Variants in STK24 observed in about 807,000 individuals in gnomAD.
STK24 encodes the protein serine/threonine kinase 24, also known as serine/threonine-protein kinase 24.
STK24 carries 21 observed loss-of-function variants against 55.6 expected under a neutral mutation model. The observed-to-expected ratio is 0.38, with a 90% CI of 0.27 to 0.54. The LOEUF (loss-of-function observed/expected upper bound fraction) is 0.54, where lower values mean the gene tolerates loss of function less well. Ranked by LOEUF, STK24 falls within the 20% of genes least tolerant of loss-of-function variation. STK24 has a pLI of 0.79. For missense variants in STK24, 383 were observed against 538.4 expected, an observed-to-expected ratio of 0.71 and a Z score of 2.86; for synonymous variants, 200 against 215.2, an observed-to-expected ratio of 0.93 and a Z score of 0.62.
At chr13:98,474,540 C>A (rs111272216) in intron 5 of STK24, among the ~76,000 whole-genome samples, 1 of 152,150 alleles carries the variant, frequency 6.6e-6, no homozygotes. Flanking sequence ...CCTCCCACCC[C>A]CCTCCAAACC....
At chr13:98,559,912 G>T (rs1897376433) in intron 1 of STK24, among the ~76,000 whole-genome samples, 1 of 151,616 alleles carries the variant, frequency 6.6e-6, no homozygotes, top group Non-Finnish European at 1.5e-5. Flanking sequence ...GCCACTCGAG[G>T]CTGAGGCAGG....
At chr13:98,509,100 T>C (rs1393121828) in intron 2 of STK24, 1 of 152,034 alleles carries the variant, frequency 6.6e-6, no homozygotes, top group African/African-American at 2.4e-5. Flanking sequence ...GACTAGAAAA[T>C]TGAAAGGGAA....
intron 2 of STK24, among the ~76,000 whole-genome samples, chr13:98,518,595 G>C (rs1005106661): frequency 2.0e-5 from 3 of 152,204 alleles, no homozygotes; most frequent in African/African-American, 7.2e-5. Flanking sequence ...TCTTAGTGTT[G>C]TAACAGGATT....
chr13:98,482,992 G>A (rs1034252165), intron 2 of STK24, among the ~76,000 whole-genome samples: 1 of 152,218 alleles, frequency 6.6e-6, no homozygotes, highest in Non-Finnish European at 1.5e-5. Context: ...ACAGTCCCCA[G>A]CTCTGCGCCT....
At chr13:98,522,397 T>C (rs17574550) in intron 1 of STK24, among the ~76,000 whole-genome samples, 26,585 of 152,142 alleles carry the variant, frequency 0.17, 2,707 homozygotes, top group Non-Finnish European at 0.23. Context: ...TGCAGAAATA[T>C]ATGGGAGTTC....
chr13:98,454,116 A>G (rs191640855), intron 10 of STK24: 3 of 152,356 alleles, frequency 2.0e-5, no homozygotes, highest in African/African-American at 7.2e-5. Flanking sequence ...GTACTATAGA[A>G]ATTCTAAAAA....
At chr13:98,547,842 C>T (rs1897064545) in intron 1 of STK24, among the ~76,000 whole-genome samples, 1 of 152,220 alleles carries the variant, frequency 6.6e-6, no homozygotes, top group Admixed American at 6.5e-5. Context: ...TCCTATACTT[C>T]AATATCACAG....
chr13:98,507,297 A>G (rs1158175770), intron 2 of STK24, among the ~76,000 whole-genome samples: 1 of 152,246 alleles, frequency 6.6e-6, no homozygotes, highest in African/African-American at 2.4e-5. Flanking sequence ...AGGAATGAGG[A>G]AACTCTGGCC....
At chr13:98,539,989 GACA>G (rs748493741) in intron 1 of STK24, among the ~76,000 whole-genome samples, 54 of 152,280 alleles carry the variant, frequency 3.5e-4, no homozygotes, top group Non-Finnish European at 6.2e-4. Context: ...AGAGTAAACA[GACA>G]ACAAACAGGT....
rs1339003810 is a variant in STK24 at position 98,475,347 on chromosome 13, G to A, written c.342C>T (p.Gly114=). 7 of 1,605,090 alleles carry A rather than the reference G, an allele frequency of 4.4e-6. No individual in the cohort carries two copies. The highest frequency in any genetic ancestry group is 4.0e-5 in the African/African-American group (3 of 74,440). ...TAGCGATCTGGGTTTCATCTAATGG[G>A]CCAGGTTCTAACTAAGAAGAGAAAA... ...GGSALDLLEP[G]PLDETQIATI... The change falls in exon 4 of 11, where the codon GGC becomes GGT. Residue 114 remains glycine (G), a synonymous_variant. Transcript: ENST00000539966.
At position 98,448,073 on chromosome 13, in the gene STK24, C is replaced by T. The variant is rs532665889; in HGVS notation, c.*5100G>A. On this transcript the variant is annotated 3_prime_UTR_variant, in exon 11 of 11. Transcript: ENST00000539966. ...AGGCCAGTGGGTCTCCACTGTACCT[C>T]AGGAACGCCTGGGTGCTGGCTGTTC... 1.5e-6 allele frequency: 1 copy of T among 654,930 alleles called. No individual in the cohort carries two copies. Among genetic ancestry groups the T allele is most frequent in the East Asian group, 2.7e-5 (1 of 36,616 alleles). 40.6% of individuals were successfully genotyped at this position (654,930 alleles called of 1,614,324 possible).
At chr13:98,542,960 G>C in intron 1 of STK24, 2 of 985,402 alleles carry the variant, frequency 2.0e-6, no homozygotes, top group Non-Finnish European at 2.4e-6. Context: ...GGAGTACCAA[G>C]TCTCAGATCC....
chr13:98,492,103 G>GTT (rs1410939342), intron 2 of STK24, among the ~76,000 whole-genome samples: 1 of 148,204 alleles, frequency 6.7e-6, no homozygotes, highest in African/African-American at 2.5e-5. Context: ...GTGTGTGTGT[G>GTT]TGTGTGTAAA....
intron 2 of STK24, among the ~76,000 whole-genome samples, chr13:98,515,880 C>T (rs1896039071): frequency 6.6e-6 from 1 of 152,176 alleles, no homozygotes; most frequent in African/African-American, 2.4e-5. Context: ...CTCCAATCAC[C>T]CTTAAAGAAC....
chr13:98,568,086 G>A (rs113693078), intron 1 of STK24, among the ~76,000 whole-genome samples: 1 of 151,596 alleles, frequency 6.6e-6, no homozygotes, highest in African/African-American at 2.4e-5. Flanking sequence ...TGCAACTTCC[G>A]TCTCCTGGGT....
intron 7 of STK24, 28 bp downstream of exon 7, chr13:98,463,663 T>C (rs367967739): frequency 6.2e-7 from 1 of 1,608,606 alleles, no homozygotes; most frequent in African/African-American, 1.3e-5. Flanking sequence ...CCCACACACA[T>C]GCTTGGGTCA....
At chr13:98,518,352 G>C (rs1283765162) in intron 2 of STK24, among the ~76,000 whole-genome samples, 1 of 152,228 alleles carries the variant, frequency 6.6e-6, no homozygotes, top group Non-Finnish European at 1.5e-5. Flanking sequence ...AGAGGGTAAG[G>C]CCAGGGGAGG....
At position 98,448,459 on chromosome 13, in the gene STK24, G is replaced by A. The variant is rs1201756677; in HGVS notation, c.*4714C>T. On this transcript the variant is annotated 3_prime_UTR_variant, in exon 11 of 11. Transcript: ENST00000539966. ...CAGCAGCTCTCCTGTCTCCACAGCC[G>A]CGTTTTTTAACCCCGACCTCTCAGC... 4.5e-5 allele frequency: 31 copies of A among 691,008 alleles called. No homozygotes were observed. The highest frequency in any genetic ancestry group is 1.1e-4 in the African/African-American group (6 of 55,992). 42.8% of individuals were successfully genotyped at this position (691,008 alleles called of 1,614,324 possible).
chr13:98,456,714 G>GAC (rs1416923466), intron 10 of STK24: 2 of 368,360 alleles, frequency 5.4e-6, no homozygotes, highest in Middle Eastern at 4.7e-4. Flanking sequence ...TTCCAGACAT[G>GAC]ACACACACAG....
Sources: allele counts gnomAD v4.1 joint callset (sites outside exome capture counted in the v4.1 genomes callset), GRCh38; gene constraint gnomAD v4.1.1; transcripts MANE v1.5; gene names NCBI Gene and HGNC (gene_info 2026-07-23, HGNC 2026-07-21).